Variants in SPAG17 observed in about 807,000 individuals in gnomAD.
SPAG17 encodes sperm associated antigen 17.
In SPAG17, 169 loss-of-function variants were observed where a neutral mutation model predicts 273.6. That is an observed-to-expected ratio of 0.62 (90% CI 0.55 to 0.70). The LOEUF (loss-of-function observed/expected upper bound fraction) is 0.70. Ranked by LOEUF, SPAG17 falls within the 30% of genes least tolerant of loss-of-function variation. SPAG17 has a pLI of 0.00. For missense variants in SPAG17, 2,557 were observed against 2,627.8 expected (o/e 0.97, Z 0.59); for synonymous variants, 825 against 873.2 (o/e 0.94, Z 0.97).
chr1:117,964,225 C>A, intron 47 of SPAG17: 4 of 203,134 alleles, frequency 2.0e-5, no homozygotes, highest in Non-Finnish European at 3.0e-5. Flanking sequence ...ATATCTACAT[C>A]AGATTTCATG....
At chr1:118,135,371 ATG>A (rs57793942) in intron 3 of SPAG17, among the ~76,000 whole-genome samples, 44,577 of 139,586 alleles carry the variant, frequency 0.32, 6,549 homozygotes, top group South Asian at 0.41. Flanking sequence ...AGCTCAAGCA[ATG>A]TGTGTGTGTG....
At chr1:118,141,379 G>A (rs1205101867) in intron 3 of SPAG17, among the ~76,000 whole-genome samples, 3 of 152,222 alleles carry the variant, frequency 2.0e-5, no homozygotes, top group Non-Finnish European at 4.4e-5. Flanking sequence ...TAAGCTGACT[G>A]TAAATCAAGT....
At position 118,005,410 on chromosome 1, in the gene SPAG17, T is replaced by G; in HGVS notation, c.4776+4A>C. The G allele has an allele frequency of 6.2e-7, 1 of 1,600,410 alleles. No individual in the cohort carries two copies. Among genetic ancestry groups the G allele is most frequent in the East Asian group, 2.2e-5 (1 of 44,582 alleles). On this transcript the variant is annotated splice_donor_region_variant and intron_variant, in intron 32 of 48. Transcript: ENST00000336338. ...TCTCTCTCCATACCAAAGGTGCACT[T>G]TACCTGAAAAGTGTTTCCCTCAGGA...
rs747617512 is a variant in SPAG17, at chr1:117,959,463, T to A, written c.*4336A>T. On this transcript the variant is annotated intron_variant, in intron 48 of 48. Transcript: ENST00000336338. ...GTTGACTTAGAACTGAAATGTGGTA[T>A]CTTTTTTTTTTTCAACTTTTTCCTT... The A allele has an allele frequency of 3.2e-6, 5 of 1,570,710 alleles. No individual in the cohort carries two copies. In the East Asian group the frequency reaches 1.1e-4, roughly 36 times the overall value.
rs146732762 is a variant in SPAG17, at chr1:118,101,094, C to T, written c.634+646G>A. On this transcript the variant is annotated intron_variant, in intron 5 of 48. Coordinates refer to ENST00000336338, the MANE Select transcript of SPAG17 (RefSeq NM_206996.4). ...CCTTTATTTGCACTGTGTAAATGTG[C>T]CTAGCAAGACACATGCTTAATAAAT... Among the ~76,000 whole-genome samples, 634 of 152,258 alleles carry T rather than the reference C, an allele frequency of 4.2e-3. 4 individuals carry two copies. Among genetic ancestry groups the T allele is most frequent in the Middle Eastern group, 6.8e-3 (2 of 294 alleles).
chr1:118,038,436 T>C (rs1428805473), intron 23 of SPAG17, among the ~76,000 whole-genome samples: 2 of 151,892 alleles, frequency 1.3e-5, no homozygotes, highest in African/African-American at 4.8e-5. Flanking sequence ...CCCAAGGGAG[T>C]TGAAAACTTA....
At chr1:118,148,230 A>T (rs142979164) in intron 3 of SPAG17, among the ~76,000 whole-genome samples, 1 of 152,158 alleles carries the variant, frequency 6.6e-6, no homozygotes, top group African/African-American at 2.4e-5. Flanking sequence ...TCTGGAGTTG[A>T]TTCCTTCCAG....
At chr1:118,174,140 C>T (rs1660568232) in intron 1 of SPAG17, among the ~76,000 whole-genome samples, 1 of 151,900 alleles carries the variant, frequency 6.6e-6, no homozygotes, top group Non-Finnish European at 1.5e-5. Context: ...GAAATACACA[C>T]ATTGGATTTA....
At chr1:118,012,408 A>G (rs1659573955) in intron 29 of SPAG17, 36 bp from the exon 30 acceptor site, 2 of 1,603,758 alleles carry the variant, frequency 1.2e-6, no homozygotes, top group Non-Finnish European at 1.7e-6. Context: ...TCATTTGGCC[A>G]CATGGTTCAT....
At chr1:117,959,307 A>T in intron 48 of SPAG17, 1 of 1,611,722 alleles carries the variant, frequency 6.2e-7, no homozygotes, top group Non-Finnish European at 8.5e-7. Context: ...TATCGGCTTC[A>T]ATATGGCTGG....
chr1:118,132,435 A>G (rs1658104066), intron 3 of SPAG17, among the ~76,000 whole-genome samples: 2 of 152,224 alleles, frequency 1.3e-5, no homozygotes, highest in African/African-American at 4.8e-5. Context: ...GGGTGACACG[A>G]TCAGATATAT....
At chr1:117,959,465 T>C in intron 48 of SPAG17, 1 of 1,054,824 alleles carries the variant, frequency 9.5e-7, no homozygotes. Context: ...ATGTGGTATC[T>C]TTTTTTTTTT....
At chr1:117,977,221 T>TGAGGCAGGAGAATTGCTTG in intron 43 of SPAG17, among the ~76,000 whole-genome samples, 1 of 152,032 alleles carries the variant, frequency 6.6e-6, no homozygotes, top group East Asian at 1.9e-4. Flanking sequence ...CTCAGGAGGC[T>TGAGGCAGGAGAATTGCTTG]GAGGCAGGAG....
intron 4 of SPAG17, among the ~76,000 whole-genome samples, chr1:118,112,527 A>G (rs1656829448): frequency 6.6e-6 from 1 of 152,118 alleles, no homozygotes; most frequent in Admixed American, 6.6e-5. Context: ...ATAAAATCAA[A>G]CTAATTTAGA....
intron 30 of SPAG17, among the ~76,000 whole-genome samples, chr1:118,010,505 G>C: frequency 6.6e-6 from 1 of 151,980 alleles, no homozygotes; most frequent in East Asian, 1.9e-4. Context: ...ATAAATGGCT[G>C]GCCATATGCA....
intron 48 of SPAG17, chr1:117,955,287 A>G (rs778031499): frequency 3.1e-6 from 5 of 1,597,106 alleles, no homozygotes; most frequent in Non-Finnish European, 4.3e-6. Flanking sequence ...CAAGAGTATC[A>G]CTAATGGTAT....
chr1:118,145,716 T>TA (rs34378706), intron 3 of SPAG17, among the ~76,000 whole-genome samples: 44 of 149,886 alleles, frequency 2.9e-4, no homozygotes, highest in East Asian at 2.1e-3. Context: ...CTGACAGGAG[T>TA]AAAAAAAAAA....
intron 3 of SPAG17, among the ~76,000 whole-genome samples, chr1:118,135,955 G>A (rs74113556): frequency 0.016 from 2,395 of 152,234 alleles, 60 homozygotes; most frequent in African/African-American, 0.055. Flanking sequence ...AGAATGACTG[G>A]GTTCCATTGC....
intron 10 of SPAG17, among the ~76,000 whole-genome samples, chr1:118,091,023 C>G (rs898316148): frequency 2.0e-5 from 3 of 151,934 alleles, no homozygotes; most frequent in African/African-American, 4.8e-5. Flanking sequence ...AATAGCTATG[C>G]CCTTAACAAT....
Sources: allele counts gnomAD v4.1 joint callset (sites outside exome capture counted in the v4.1 genomes callset), GRCh38; gene constraint gnomAD v4.1.1; transcripts MANE v1.5; gene names NCBI Gene and HGNC (gene_info 2026-07-23, HGNC 2026-07-21).